Variants in LRRFIP1 observed in about 807,000 individuals in gnomAD.
LRRFIP1 encodes leucine-rich repeat flightless-interacting protein 1.
LRRFIP1 carries 62 observed loss-of-function variants against 104.4 expected under a neutral mutation model. That is an observed-to-expected ratio of 0.59 (90% confidence interval 0.48 to 0.73). LRRFIP1 has a LOEUF of 0.73. LRRFIP1 is among the 30% of genes least tolerant of loss of function. The pLI, the probability that LRRFIP1 is intolerant of heterozygous loss-of-function variation, is 0.00. For synonymous variants in LRRFIP1, 300 were observed against 299.0 expected (o/e 1.00, Z -0.03); for missense variants, 796 against 824.5 (o/e 0.97, Z 0.42).
At chr2:237,670,216 A>G (rs6720851) in intron 1 of LRRFIP1, among the ~76,000 whole-genome samples, 134,500 of 152,018 alleles carry the variant, frequency 0.88, 59,626 homozygotes, top group East Asian at 0.93. Flanking sequence ...GTCGATCAAC[A>G]GGAGGTCGTC....
At chr2:237,641,004 T>C (rs1389099942) in intron 1 of LRRFIP1, among the ~76,000 whole-genome samples, 1 of 152,200 alleles carries the variant, frequency 6.6e-6, no homozygotes, top group African/African-American at 2.4e-5. Flanking sequence ...GCTTCTGTTT[T>C]TATGTACAAT....
intron 1 of LRRFIP1, among the ~76,000 whole-genome samples, chr2:237,704,150 T>TC (rs1460763853): frequency 4.5e-5 from 5 of 110,814 alleles, no homozygotes; most frequent in Non-Finnish European, 9.5e-5. Context: ...CTGCAGATGT[T>TC]CTTTTTTTTT....
chr2:237,749,295 G>A lies in LRRFIP1; in HGVS notation c.766G>A (p.Asp256Asn), dbSNP rs754427061. 1.1e-5 allele frequency: 18 copies of A among 1,613,544 alleles called. No homozygotes were observed. The highest frequency in any genetic ancestry group is 9.9e-5 in the South Asian group (9 of 91,026). Residue 256 changes from aspartate (D) to asparagine (N), a missense_variant, in exon 13 of 24, where the codon GAC (aspartate) becomes AAC (asparagine). Asp to Asn is a conservative substitution (Grantham distance 23, BLOSUM62 1). Transcript: ENST00000308482. ...RGSGDTSISI[D>N]TEASIREIKE... ...CAGCGGAGACACCTCCATCTCCATC[G>A]ACACCGAGGCATCCATCAGGGAAAT...
intron 1 of LRRFIP1, among the ~76,000 whole-genome samples, chr2:237,689,325 C>T (rs1352035582): frequency 3.3e-5 from 5 of 152,148 alleles, no homozygotes; most frequent in Non-Finnish European, 5.9e-5. Context: ...AGACTTTGCT[C>T]TTGAGCTGGG....
chr2:237,649,090 C>A lies in LRRFIP1; in HGVS notation c.96+21350C>A, dbSNP rs1461411785. 6.6e-6 allele frequency among the ~76,000 whole-genome samples: 1 copy of A among 151,746 alleles called. No individual in the cohort carries two copies. Among genetic ancestry groups the A allele is most frequent in the Non-Finnish European group, 1.5e-5 (1 of 67,868 alleles). ...CACGGAGGCTGCCCTGGGTCTTGGC[C>A]GGCCCCTGGAGCTGGAGGAGGTGCT... On this transcript the variant is annotated intron_variant, in intron 1 of 23. Coordinates refer to ENST00000308482, the MANE Select transcript of LRRFIP1 (RefSeq NM_001137550.2). This position sits in a 1 kb window ranked among gnomAD's most constrained non-coding sequence, Gnocchi z 4.1.
At position 237,716,507 on chromosome 2, in the gene LRRFIP1, T is replaced by C. The variant is rs1188578787; in HGVS notation, c.202-1255T>C. On this transcript the variant is annotated intron_variant, in intron 3 of 23. Transcript: ENST00000308482. ...TACTGTCACCTCTAAGAGAAAGAGA[T>C]AAGACCGTCTGAAAACTGCTTATTT... 3.9e-5 allele frequency among the ~76,000 whole-genome samples: 6 copies of C among 152,352 alleles called. 1 individual carries two copies. The South Asian group carries it at 1.2e-3, about 32-fold the overall frequency.
At chr2:237,750,709 G>A (rs752116078) in intron 13 of LRRFIP1, among the ~76,000 whole-genome samples, 6 of 152,116 alleles carry the variant, frequency 3.9e-5, no homozygotes, top group South Asian at 4.1e-4. Context: ...TAGGTTGCGC[G>A]TGCCGTTCAT....
chr2:237,700,891 G>C (rs1415549778), intron 1 of LRRFIP1, among the ~76,000 whole-genome samples: 2 of 152,192 alleles, frequency 1.3e-5, no homozygotes, highest in African/African-American at 4.8e-5. Context: ...AGTGACGTCA[G>C]AGTATTTCTC....
Position 237,705,152 on chromosome 2 carries a change from G to A in LRRFIP1, c.97-3392G>A, listed in dbSNP as rs569990206. On this transcript the variant is annotated intron_variant, in intron 1 of 23. Transcript: ENST00000308482. ...GGCCAGACCCGAGCAGAGCTAAGCT[G>A]GAATAGGGTGGGGTACTGAGCAGGC... Among the ~76,000 whole-genome samples the A allele has an allele frequency of 8.3e-3, 1,268 of 152,304 alleles. 9 individuals carry two copies. Among genetic ancestry groups the A allele is most frequent in the Admixed American group, 0.012 (188 of 15,306 alleles).
At chr2:237,751,585 A>G (rs2058638726) in intron 14 of LRRFIP1, among the ~76,000 whole-genome samples, 1 of 152,242 alleles carries the variant, frequency 6.6e-6, no homozygotes, top group African/African-American at 2.4e-5. Context: ...GGCGTGTGCC[A>G]GACACTTGAA....
chr2:237,751,497 T>TA (rs543147965), intron 14 of LRRFIP1, among the ~76,000 whole-genome samples: 129 of 152,334 alleles, frequency 8.5e-4, no homozygotes, highest in African/African-American at 3.0e-3. Flanking sequence ...TAGAAAAGGT[T>TA]ACTAACATAC....
In LRRFIP1 at chr2:237,627,640, G is replaced by T. The variant is rs1251788826; in HGVS notation, c.-5G>T. ...GCCCCGCGGCAGCTGCGGGCGACGC[G>T]GTCGATGGACATGGGCACCCAGGGA... On this transcript the variant is annotated 5_prime_UTR_variant, in exon 1 of 24. Coordinates refer to ENST00000308482, the MANE Select transcript of LRRFIP1 (RefSeq NM_001137550.2). 1 of 1,317,370 alleles carries T rather than the reference G, an allele frequency of 7.6e-7. No homozygotes were observed. The highest frequency in any genetic ancestry group is 2.8e-5 in the Admixed American group (1 of 35,256). 81.6% of individuals were successfully genotyped at this position (1,317,370 alleles called of 1,614,324 possible).
At position 237,774,381 on chromosome 2, in the gene LRRFIP1, A is replaced by G; in HGVS notation, c.1731A>G (p.Val577=). The G allele has an allele frequency of 6.2e-7, 1 of 1,613,352 alleles. No homozygotes were observed. Residue 577 remains valine, a synonymous_variant, in exon 23 of 24, where the codon GTA becomes GTG. Transcript: ENST00000308482. ...EQNVIRLESQ[V]SRYKSAAENA... ...AGGTAATAAGGTTAGAGAGTCAAGT[A>G]TCACGTTACAAATCAGCGGCTGAAA... is the stretch of plus-strand genomic sequence containing the variant.
At chr2:237,650,093 A>C (rs1235770231) in intron 1 of LRRFIP1, among the ~76,000 whole-genome samples, 3 of 152,028 alleles carry the variant, frequency 2.0e-5, no homozygotes, top group Non-Finnish European at 4.4e-5. Flanking sequence ...TAACATGCCA[A>C]GTGTTGGAAA....
chr2:237,769,884 T>C (rs2060474405), intron 19 of LRRFIP1, 59 bp from the exon 20 acceptor site: 4 of 1,212,502 alleles, frequency 3.3e-6, no homozygotes, highest in African/African-American at 3.0e-5. Flanking sequence ...AGTTTAGCAA[T>C]GTGCTGAAAG....
intron 1 of LRRFIP1, among the ~76,000 whole-genome samples, chr2:237,689,863 G>C (rs1220952341): frequency 6.6e-6 from 1 of 152,226 alleles, no homozygotes; most frequent in Non-Finnish European, 1.5e-5. Flanking sequence ...TAGCAGGGCA[G>C]CTCACCCTGA....
intron 19 of LRRFIP1, chr2:237,763,971 C>T (rs776539763): frequency 4.3e-6 from 7 of 1,614,180 alleles, no homozygotes; most frequent in Admixed American, 1.7e-5. Flanking sequence ...TGTGAGATGT[C>T]AGAACATCCA....
At chr2:237,771,891 C>T (rs1361884241) in intron 20 of LRRFIP1, 190 bp from the exon 21 acceptor site, 10 of 565,788 alleles carry the variant, frequency 1.8e-5, no homozygotes, top group Middle Eastern at 6.3e-4. Flanking sequence ...TGACTTTTCT[C>T]TCAGAGTTAC....
intron 1 of LRRFIP1, among the ~76,000 whole-genome samples, chr2:237,632,779 G>A (rs918394030): frequency 3.6e-5 from 2 of 55,422 alleles, no homozygotes; most frequent in African/African-American, 1.1e-4. Flanking sequence ...CCTCTGGGGT[G>A]GAGAGTCCAG....
Sources: gnomAD v4.1 joint callset for allele counts (sites outside exome capture counted in the v4.1 genomes callset) on GRCh38, gnomAD v4.1.1 for gene constraint, Gnocchi (gnomAD v3.1) non-coding constraint, MANE v1.5 for transcripts, NCBI Gene and HGNC (gene_info 2026-07-23, HGNC 2026-07-21) for gene names.